GPATCH8: variants seen among roughly 807,000 people sequenced by gnomAD.
GPATCH8 encodes G-patch domain containing 8, also known as G patch domain-containing protein 8.
GPATCH8 carries 18 observed loss-of-function variants against 118.3 expected under a neutral mutation model. The observed-to-expected ratio is 0.15, with a 90% CI of 0.11 to 0.23. The LOEUF (loss-of-function observed/expected upper bound fraction) is 0.23, where lower values mean the gene tolerates loss of function less well. Ranked by LOEUF, GPATCH8 falls within the 10% of genes least tolerant of loss-of-function variation. GPATCH8 has a pLI of 1.00. For missense variants in GPATCH8, 1,631 were observed against 1,873.8 expected (o/e 0.87, Z 2.39); for synonymous variants, 659 against 684.7 (o/e 0.96, Z 0.59).
chr17:44,436,818 C>T, intron 3 of GPATCH8: 2 of 471,302 alleles, frequency 4.2e-6, no homozygotes, highest in Non-Finnish European at 7.7e-6. Flanking sequence ...CACTTTTAAG[C>T]AATGGCATCA....
rs2049585539 is a variant in GPATCH8 at position 44,414,149 on chromosome 17, ATATATATG to A, written c.493-8106_493-8099del. ...TATGTGTATATATATATATGTGTAT[ATATATATG>A]TGTATATATATATATGAACATATAC... is the stretch of plus-strand genomic sequence containing the variant. On this transcript the variant is annotated intron_variant, in intron 6 of 7. Transcript: ENST00000591680. Among the ~76,000 whole-genome samples the A allele has an allele frequency of 1.5e-4, 5 of 34,152 alleles. No individual in the cohort carries two copies. The East Asian group carries it at 3.7e-3, about 25-fold the overall frequency. 22.4% of individuals were successfully genotyped at this position (34,152 alleles called of 152,430 possible).
At chr17:44,408,842 C>T (rs2049327106) in intron 6 of GPATCH8, among the ~76,000 whole-genome samples, 1 of 152,184 alleles carries the variant, frequency 6.6e-6, no homozygotes, top group Admixed American at 6.5e-5. Flanking sequence ...CAGGCTCCCT[C>T]TGGGCAAACC....
chr17:44,497,569 CAG>C (rs1384930672), intron 1 of GPATCH8, among the ~76,000 whole-genome samples: 1 of 151,846 alleles, frequency 6.6e-6, no homozygotes, highest in Non-Finnish European at 1.5e-5. Context: ...GCCTGAGTGA[CAG>C]AGTGAGACCT....
chr17:44,448,573 G>GGAAGAAGAA (rs141804150), intron 3 of GPATCH8, among the ~76,000 whole-genome samples: 5 of 127,664 alleles, frequency 3.9e-5, no homozygotes, highest in African/African-American at 1.7e-4. Context: ...AAGAGGAAGA[G>GGAAGAAGAA]GAAGAAGAAG....
intron 1 of GPATCH8, among the ~76,000 whole-genome samples, chr17:44,488,673 T>C (rs188952399): frequency 7.8e-4 from 119 of 151,742 alleles, no homozygotes; most frequent in Non-Finnish European, 1.5e-3. Context: ...ACATGGCCCA[T>C]GATAATTGTA....
At chr17:44,458,818 G>T (rs920857951) in intron 3 of GPATCH8, among the ~76,000 whole-genome samples, 2 of 152,194 alleles carry the variant, frequency 1.3e-5, no homozygotes, top group Non-Finnish European at 2.9e-5. Context: ...AAGTCACTGT[G>T]CCTGGCCTTA....
intron 6 of GPATCH8, among the ~76,000 whole-genome samples, chr17:44,421,932 G>A (rs1314140058): frequency 6.6e-6 from 1 of 151,356 alleles, no homozygotes; most frequent in Non-Finnish European, 1.5e-5. Flanking sequence ...TTGCTATGTT[G>A]GCCAGGCTGG....
chr17:44,497,306 T>C (rs909054571), intron 1 of GPATCH8, among the ~76,000 whole-genome samples: 4 of 152,226 alleles, frequency 2.6e-5, no homozygotes, highest in Non-Finnish European at 5.9e-5. Context: ...AATGGCAATC[T>C]TGGCCAGGTA....
rs533863622 is a variant in GPATCH8 at position 44,413,249 on chromosome 17, G to T, written c.493-7198C>A. Among the ~76,000 whole-genome samples the T allele has an allele frequency of 2.5e-4, 38 of 152,074 alleles. 1 individual carries two copies. The highest frequency in any genetic ancestry group is 3.4e-3 in the Middle Eastern group (1 of 294). ...AATTACAGATAGTGAAAAACTGAGA[G>T]AAAAAGAAAAAAATACAAATTCTTT... is the stretch of plus-strand genomic sequence containing the variant. On this transcript the variant is annotated intron_variant, in intron 6 of 7. Transcript: ENST00000591680.
At chr17:44,410,942 A>G (rs1253846170) in intron 6 of GPATCH8, among the ~76,000 whole-genome samples, 1 of 152,246 alleles carries the variant, frequency 6.6e-6, no homozygotes, top group Non-Finnish European at 1.5e-5. Flanking sequence ...TTCTTAAAAC[A>G]TAACTTAAAC....
chr17:44,422,235 G>A (rs567082155), intron 6 of GPATCH8, among the ~76,000 whole-genome samples: 3 of 152,118 alleles, frequency 2.0e-5, no homozygotes, highest in Non-Finnish European at 2.9e-5. Context: ...AGTGTGAAGT[G>A]CAGTGGCATG....
intron 1 of GPATCH8, among the ~76,000 whole-genome samples, chr17:44,481,635 A>C (rs983858408): frequency 6.6e-6 from 1 of 152,192 alleles, no homozygotes; most frequent in Admixed American, 6.5e-5. Context: ...TATGGTGCTG[A>C]TGAACTGTAC....
intron 4 of GPATCH8, among the ~76,000 whole-genome samples, chr17:44,435,451 T>C (rs2050471057): frequency 6.9e-6 from 1 of 145,910 alleles, no homozygotes; most frequent in African/African-American, 2.5e-5. Flanking sequence ...TTCACTCTTG[T>C]TGCTCAGGCT....
At position 44,456,035 on chromosome 17, in the gene GPATCH8, T is replaced by C. The variant is rs193088284; in HGVS notation, c.193+8437A>G. 2.2e-3 allele frequency among the ~76,000 whole-genome samples: 337 copies of C among 151,672 alleles called. 1 individual carries two copies. Among genetic ancestry groups the C allele is most frequent in the African/African-American group, 7.9e-3 (326 of 41,414 alleles). ...GTGCTGGGATTACAGGCGTGAGCCA[T>C]AGCGCCCAGACAAAAAATGATTTTT... is the stretch of plus-strand genomic sequence containing the variant. On this transcript the variant is annotated intron_variant, in intron 3 of 7. Coordinates refer to ENST00000591680, the MANE Select transcript of GPATCH8 (RefSeq NM_001002909.4).
chr17:44,474,585 G>A (rs1365174860), intron 2 of GPATCH8: 1 of 588,908 alleles, frequency 1.7e-6, no homozygotes, highest in Non-Finnish European at 3.1e-6. Context: ...TATCGGTATG[G>A]GCCAAAAAGA....
At chr17:44,431,378 G>GAAAAAA (rs776468380) in intron 5 of GPATCH8, among the ~76,000 whole-genome samples, 3 of 47,802 alleles carry the variant, frequency 6.3e-5, no homozygotes, top group Non-Finnish European at 1.3e-4. Flanking sequence ...TCTCAAAAAG[G>GAAAAAA]AAAAAAAAAA....
In GPATCH8 at chr17:44,399,095, G is replaced by A. The variant is rs1003691476; in HGVS notation, c.2982C>T (p.Arg994=). 3 of 1,613,754 alleles carry A rather than the reference G, an allele frequency of 1.9e-6. No individual in the cohort carries two copies. Among genetic ancestry groups the A allele is most frequent in the South Asian group, 1.1e-5 (1 of 91,084 alleles). Reference sequence around the variant, plus strand: ...ATCTCTGGGAAGGGCTCCTGGTGCTGCGGCTGCGGTCCCGGCTATAGCTCC... The same window carrying A: ...ATCTCTGGGAAGGGCTCCTGGTGCTACGGCTGCGGTCCCGGCTATAGCTCC... The part of the protein sequence containing the change: ...RSRSYSRDRS[R]STRSPSQRSG... The change falls in exon 8 of 8, where the codon CGC becomes CGT. Residue 994 remains arginine (R), a synonymous_variant. Coordinates refer to ENST00000591680, the MANE Select transcript of GPATCH8 (RefSeq NM_001002909.4).
Position 44,482,130 on chromosome 17 carries a change from A to G in GPATCH8, c.46-7227T>C, listed in dbSNP as rs149383589. 2.0e-3 allele frequency among the ~76,000 whole-genome samples: 296 copies of G among 151,768 alleles called. 1 individual carries two copies. Among genetic ancestry groups the G allele is most frequent in the African/African-American group, 6.8e-3 (282 of 41,374 alleles). Reference sequence around the variant, plus strand: ...AGTGAGACTCTTGTCTCAAAAATAAATAACCCCATGTTCTCACTCTTAAGT... The same window carrying G: ...AGTGAGACTCTTGTCTCAAAAATAAGTAACCCCATGTTCTCACTCTTAAGT... On this transcript the variant is annotated intron_variant, in intron 1 of 7. Coordinates refer to ENST00000591680, the MANE Select transcript of GPATCH8 (RefSeq NM_001002909.4).
At chr17:44,453,498 G>GTGTGTGTGTGTGTGTGTGTGT (rs1298562128) in intron 3 of GPATCH8, among the ~76,000 whole-genome samples, 5,584 of 129,960 alleles carry the variant, frequency 0.043, 275 homozygotes, top group Non-Finnish European at 0.054. Context: ...TAGGTAGGTA[G>GTGTGTGTGTGTGTGTGTGTGT]GGGTGTGTGT....
Sources: allele counts gnomAD v4.1 joint callset (sites outside exome capture counted in the v4.1 genomes callset), GRCh38; gene constraint gnomAD v4.1.1; transcripts MANE v1.5; gene names NCBI Gene and HGNC (gene_info 2026-07-23, HGNC 2026-07-21).